Variants in DENND4C observed in about 807,000 individuals in gnomAD.
DENND4C encodes the protein DENN domain-containing protein 4C.
DENND4C carries 108 observed loss-of-function variants against 203.0 expected under a neutral mutation model. The ratio of observed to expected loss-of-function variants is 0.53; its 90% CI spans 0.46 to 0.62. The LOEUF is 0.62. Ranked by LOEUF, DENND4C falls within the 20% of genes least tolerant of loss-of-function variation. DENND4C has a pLI of 0.00. For synonymous variants in DENND4C, 871 were observed against 792.4 expected, an observed-to-expected ratio of 1.10 and a Z score of -1.67; for missense variants, 2,481 against 2,301.2, an observed-to-expected ratio of 1.08 and a Z score of -1.60.
At chr9:19,316,962 T>C in intron 12 of DENND4C, 123 bp downstream of exon 12, 1 of 899,460 alleles carries the variant, frequency 1.1e-6, no homozygotes, top group Non-Finnish European at 1.6e-6. Context: ...ATAATGAACC[T>C]CCATGTATTT....
rs1270823552 is a variant in DENND4C, at chr9:19,341,060, C to T, written c.2950C>T (p.Pro984Ser). 1 of 1,612,640 alleles carries T rather than the reference C, an allele frequency of 6.2e-7. No individual in the cohort carries two copies. Among genetic ancestry groups the T allele is most frequent in the East Asian group, 2.2e-5 (1 of 44,772 alleles). ...LIKDDAEIHV[P>S]EEQAARELIT... Reference sequence around the variant, plus strand: ...AAAGGATGATGCAGAAATTCATGTGCCTGAAGAACAGGCAGCAAGAGAATT... The same window carrying T: ...AAAGGATGATGCAGAAATTCATGTGTCTGAAGAACAGGCAGCAAGAGAATT... Residue 984 changes from proline (P) to serine (S), a missense_variant, in exon 21 of 33, where the codon CCT becomes TCT. Around this residue, in one of 3 missense-constraint regions of DENND4C, gnomAD observed 2,289 missense variants for 2,113.3 expected, o/e 1.08. Transcript: ENST00000434457.
chr9:19,369,778 AAT>A (rs1554645946), intron 30 of DENND4C, 57 bp from the exon 31 acceptor site: 1,876 of 839,552 alleles, frequency 2.2e-3, no homozygotes, highest in Middle Eastern at 6.4e-3. Flanking sequence ...AAAAAAAAAA[AAT>A]AATAATAATA....
intron 1 of DENND4C, among the ~76,000 whole-genome samples, chr9:19,243,990 T>G (rs1190379233): frequency 1.3e-5 from 2 of 151,848 alleles, no homozygotes; most frequent in South Asian, 2.1e-4. Context: ...TTTAAAAATT[T>G]TTTTGTATAG....
chr9:19,275,794 A>C (rs1003235261), intron 1 of DENND4C, among the ~76,000 whole-genome samples: 1 of 152,114 alleles, frequency 6.6e-6, no homozygotes, highest in African/African-American at 2.4e-5. Context: ...TTTAGTAGAG[A>C]CAGGGTTTCA....
At chr9:19,304,143 TC>T (rs368365477) in intron 9 of DENND4C, among the ~76,000 whole-genome samples, 11 of 151,278 alleles carry the variant, frequency 7.3e-5, no homozygotes, top group African/African-American at 1.9e-4. Context: ...TTCTCTTTTT[TC>T]TTTTTCTGTC....
At position 19,345,951 on chromosome 9, in the gene DENND4C, A is replaced by C. The variant is rs775938073; in HGVS notation, c.3182A>C (p.Gln1061Pro). 6.2e-7 allele frequency: 1 copy of C among 1,613,646 alleles called. No individual in the cohort carries two copies. The highest frequency in any genetic ancestry group is 1.1e-5 in the South Asian group (1 of 91,002). ...GSISNVLFST[Q>P]DPVEDAVFGE... ...ATATCAAATGTGCTGTTTTCTACTC[A>C]AGATCCAGTTGAAGATGCAGTCTTT... Residue 1061 changes from glutamine to proline, a missense_variant, in exon 23 of 33, where the codon CAA (glutamine) becomes CCA (proline). Transcript: ENST00000434457.
intron 5 of DENND4C, among the ~76,000 whole-genome samples, chr9:19,294,100 T>C (rs1286664271): frequency 6.6e-6 from 1 of 152,124 alleles, no homozygotes; most frequent in Non-Finnish European, 1.5e-5. Flanking sequence ...GAGTAGTCAT[T>C]TTGAAAATAG....
chr9:19,236,212 G>A (rs1821935162), intron 1 of DENND4C, among the ~76,000 whole-genome samples: 1 of 152,078 alleles, frequency 6.6e-6, no homozygotes, highest in African/African-American at 2.4e-5. Context: ...ATAAAAAGGT[G>A]ACTAGTAAGG....
Position 19,344,412 on chromosome 9 carries a change from C to A in DENND4C, c.3152-1509C>A, listed in dbSNP as rs148727256. The stretch of plus-strand genomic sequence containing the variant: ...TTTGGCAGGCTGGAGGGAAAGATCG[C>A]TTGAGGCCAGGAGATTGAGGCTGTA... On this transcript the variant is annotated intron_variant, in intron 22 of 32. Transcript: ENST00000434457. 9.1e-4 allele frequency among the ~76,000 whole-genome samples: 139 copies of A among 152,290 alleles called. 1 individual carries two copies. The highest frequency in any genetic ancestry group is 3.4e-3 in the Middle Eastern group (1 of 294).
chr9:19,338,275 A>T (rs1316538559), intron 20 of DENND4C, among the ~76,000 whole-genome samples: 1 of 152,168 alleles, frequency 6.6e-6, no homozygotes, highest in Admixed American at 6.5e-5. Context: ...AAGCAAAAAA[A>T]TATATTTTTT....
intron 12 of DENND4C, among the ~76,000 whole-genome samples, chr9:19,323,956 A>G (rs1843306566): frequency 6.6e-6 from 1 of 152,220 alleles, no homozygotes; most frequent in Non-Finnish European, 1.5e-5. Flanking sequence ...GAGGGCTGAC[A>G]TTATGCCACA....
At chr9:19,244,320 C>G (rs193125264) in intron 1 of DENND4C, among the ~76,000 whole-genome samples, 1 of 152,050 alleles carries the variant, frequency 6.6e-6, no homozygotes, top group East Asian at 2.0e-4. Context: ...CGTGAGCCTT[C>G]TCGCCTGGCC....
rs199572675 is a variant in DENND4C at position 19,265,949 on chromosome 9, T to A, written c.-17-10209T>A. Among the ~76,000 whole-genome samples, 10 of 152,314 alleles carry A rather than the reference T, an allele frequency of 6.6e-5. No homozygotes were observed. The South Asian group carries it at 1.0e-3, about 16-fold the overall frequency. On this transcript the variant is annotated intron_variant, in intron 1 of 32. Transcript: ENST00000434457. ...GTGTGTCTTTATAGCAGCATGATTT[T>A]TAATCCTTTGGGTATATACCCAGTA...
chr9:19,260,266 A>G lies in DENND4C; in HGVS notation c.-17-15892A>G, dbSNP rs1019000308. Reference sequence around the variant, plus strand: ...CTTTTCGTATACCTGTTTGACATTCATATGTCTTCTTTTGAGAAAAACCTA... The same window carrying G: ...CTTTTCGTATACCTGTTTGACATTCGTATGTCTTCTTTTGAGAAAAACCTA... On this transcript the variant is annotated intron_variant, in intron 1 of 32. Coordinates refer to ENST00000434457, the MANE Select transcript of DENND4C (RefSeq NM_001330640.2). Among the ~76,000 whole-genome samples the G allele has an allele frequency of 2.4e-4, 37 of 152,118 alleles. 1 individual carries two copies. The highest frequency in any genetic ancestry group is 8.2e-4 in the African/African-American group (34 of 41,422).
At chr9:19,240,587 A>C (rs896900855) in intron 1 of DENND4C, among the ~76,000 whole-genome samples, 8 of 151,830 alleles carry the variant, frequency 5.3e-5, no homozygotes, top group Non-Finnish European at 1.5e-5. Context: ...AATCACTTGA[A>C]CCTGGGACAC....
intron 10 of DENND4C, among the ~76,000 whole-genome samples, chr9:19,312,378 A>G (rs1450022016): frequency 6.6e-6 from 1 of 152,128 alleles, no homozygotes; most frequent in Non-Finnish European, 1.5e-5. Context: ...GCTGGGATTA[A>G]AGGTGTGAGC....
rs188575929 is a variant in DENND4C, at chr9:19,324,259, A to G, written c.1808-103A>G. ...TTTTTAAATATGGATATATATATGTATATATAAAGAGAATGTAATATAGAT... is the reference window on the plus strand; with the variant it reads ...TTTTTAAATATGGATATATATATGTGTATATAAAGAGAATGTAATATAGAT... On this transcript the variant is annotated intron_variant, in intron 12 of 32. Transcript: ENST00000434457. 16 of 769,326 alleles carry G rather than the reference A, an allele frequency of 2.1e-5. No homozygotes were observed. The South Asian group carries it at 3.8e-4, about 18-fold the overall frequency. 47.7% of individuals were successfully genotyped at this position (769,326 alleles called of 1,614,324 possible). A position where few individuals can be genotyped will look rare whatever the true frequency, so the allele number is the denominator to read the frequency against.
Position 19,282,292 on chromosome 9 carries a change from G to A in DENND4C, c.306-4477G>A, listed in dbSNP as rs1244952908. On this transcript the variant is annotated intron_variant, in intron 2 of 32. Coordinates refer to ENST00000434457, the MANE Select transcript of DENND4C (RefSeq NM_001330640.2). The stretch of plus-strand genomic sequence containing the variant: ...ATTTTTTGAGACAGGGTCTCACTTT[G>A]TTGCCCAGGCTGGAGTGTAGTGGTA... 4.0e-5 allele frequency among the ~76,000 whole-genome samples: 6 copies of A among 151,194 alleles called. No individual in the cohort carries two copies. The East Asian group carries it at 7.8e-4, about 20-fold the overall frequency.
chr9:19,296,210 T>G lies in DENND4C; in HGVS notation c.1004T>G (p.Leu335Arg). 6.2e-7 allele frequency: 1 copy of G among 1,613,438 alleles called. No individual in the cohort carries two copies. The highest frequency in any genetic ancestry group is 8.5e-7 in the Non-Finnish European group (1 of 1,179,430). The change falls in exon 6 of 33, where the codon CTT becomes CGT. Residue 335 changes from leucine to arginine, a missense_variant. Around this residue, in one of 3 missense-constraint regions of DENND4C, gnomAD observed 2,289 missense variants for 2,113.3 expected, o/e 1.08. Transcript: ENST00000434457. ...FRKFLMFIYK[L>R]SVSGPHPLPI... is the part of the protein sequence containing the mutation. ...AAATTTCTTATGTTTATCTACAAAC[T>G]TTCTGTGTCTGGACCACATCCTCTT...
Sources: gnomAD v4.1 joint callset for allele counts (sites outside exome capture counted in the v4.1 genomes callset) on GRCh38, gnomAD v4.1.1 for gene constraint, gnomAD v4.1.1 regional missense constraint, MANE v1.5 for transcripts, NCBI Gene and HGNC (gene_info 2026-07-23, HGNC 2026-07-21) for gene names.